The following PPP2R5A variants were observed in gnomAD, a reference collection of about 807,000 sequenced individuals.
PPP2R5A encodes the protein serine/threonine-protein phosphatase 2A 56 kDa regulatory subunit alpha isoform.
Under a neutral mutation model 64.2 loss-of-function variants are expected in PPP2R5A, and 25 were observed. That is an observed-to-expected ratio of 0.39 (90% confidence interval 0.28 to 0.54). The LOEUF is 0.54. Among genes scored for constraint, PPP2R5A ranks in the 20% least tolerant of loss-of-function variants. PPP2R5A has a pLI of 0.67. For synonymous variants in PPP2R5A, 198 were observed against 201.2 expected, an observed-to-expected ratio of 0.98 and a Z score of 0.13; for missense variants, 425 against 576.3, an observed-to-expected ratio of 0.74 and a Z score of 2.69.
At chr1:212,289,025 TG>T (rs1658554572) in intron 1 of PPP2R5A, among the ~76,000 whole-genome samples, 1 of 152,192 alleles carries the variant, frequency 6.6e-6, no homozygotes, top group Non-Finnish European at 1.5e-5. Flanking sequence ...ATGGCAAAAA[TG>T]TTCAGAATAA....
intron 1 of PPP2R5A, chr1:212,309,014 GATATAT>G (rs142628630): frequency 4.6e-6 from 3 of 651,528 alleles, no homozygotes; most frequent in South Asian, 1.7e-5. Flanking sequence ...ATGGTGAAAA[GATATAT>G]ATATATATTT....
intron 1 of PPP2R5A, among the ~76,000 whole-genome samples, chr1:212,289,606 C>T (rs1172483017): frequency 6.6e-6 from 1 of 152,040 alleles, no homozygotes; most frequent in Non-Finnish European, 1.5e-5. Flanking sequence ...AATTTTTAAT[C>T]TTTCTAAGTC....
At chr1:212,356,908 A>G in intron 9 of PPP2R5A, 42 bp from the exon 10 acceptor site, 1 of 1,440,128 alleles carries the variant, frequency 6.9e-7, no homozygotes, top group Non-Finnish European at 9.4e-7. Context: ...TTAGTTTCAC[A>G]TAATTTATCA....
At chr1:212,331,709 A>C (rs1176798237) in intron 2 of PPP2R5A, 2 of 152,158 alleles carry the variant, frequency 1.3e-5, no homozygotes, top group Non-Finnish European at 2.9e-5. Context: ...TTAATCTCTA[A>C]AATTGTTGAC....
intron 1 of PPP2R5A, among the ~76,000 whole-genome samples, chr1:212,300,286 C>T (rs1658775783): frequency 6.6e-6 from 1 of 152,060 alleles, no homozygotes. Context: ...TTTTTAAGAT[C>T]TGGAGAAGTA....
intron 1 of PPP2R5A, chr1:212,297,415 ATACGT>A (rs1658717926): frequency 6.6e-6 from 1 of 152,038 alleles, no homozygotes; most frequent in Non-Finnish European, 1.5e-5. Context: ...TGCCCAGCCA[ATACGT>A]TTCTTTTTGA....
chr1:212,322,640 G>A (rs1659328895), intron 1 of PPP2R5A, among the ~76,000 whole-genome samples: 1 of 152,060 alleles, frequency 6.6e-6, no homozygotes, highest in Admixed American at 6.5e-5. Context: ...TTACAGTATG[G>A]CCTACTCTTC....
intron 1 of PPP2R5A, among the ~76,000 whole-genome samples, chr1:212,322,274 G>GGGAGAA (rs1558147166): frequency 7.1e-6 from 1 of 140,978 alleles, no homozygotes; most frequent in Non-Finnish European, 1.6e-5. Context: ...AGGAGGGAGA[G>GGGAGAA]GGAGAGGAGG....
At chr1:212,341,042 A>G (rs1050008683) in intron 3 of PPP2R5A, among the ~76,000 whole-genome samples, 1 of 152,192 alleles carries the variant, frequency 6.6e-6, no homozygotes, top group Non-Finnish European at 1.5e-5. Flanking sequence ...AGTATTGTTT[A>G]ATAGCTAATA....
chr1:212,301,349 G>A (rs1018436259), intron 1 of PPP2R5A, among the ~76,000 whole-genome samples: 11 of 152,080 alleles, frequency 7.2e-5, no homozygotes, highest in Non-Finnish European at 1.0e-4. Flanking sequence ...CAGTAGTTGC[G>A]GATATACTTA....
intron 1 of PPP2R5A, among the ~76,000 whole-genome samples, chr1:212,300,475 A>G (rs1196903562): frequency 1.3e-5 from 2 of 152,190 alleles, no homozygotes; most frequent in Non-Finnish European, 2.9e-5. Context: ...GTAAAAACTT[A>G]CAGACTCACT....
chr1:212,286,635 G>C (rs1658509614), intron 1 of PPP2R5A, among the ~76,000 whole-genome samples: 1 of 152,058 alleles, frequency 6.6e-6, no homozygotes, highest in African/African-American at 2.4e-5. Context: ...GCCCTTTCCC[G>C]GTCTTGCTTT....
intron 3 of PPP2R5A, among the ~76,000 whole-genome samples, chr1:212,334,348 G>A (rs1423129753): frequency 6.6e-6 from 1 of 151,976 alleles, no homozygotes; most frequent in African/African-American, 2.4e-5. Flanking sequence ...GGAGTGTAGT[G>A]GAGTGGCATG....
At chr1:212,288,841 T>TA (rs1369429856) in intron 1 of PPP2R5A, among the ~76,000 whole-genome samples, 2 of 143,036 alleles carry the variant, frequency 1.4e-5, no homozygotes, top group Non-Finnish European at 3.0e-5. Context: ...GACTCCAAGA[T>TA]CTTTTAAGTT....
intron 1 of PPP2R5A, among the ~76,000 whole-genome samples, chr1:212,317,157 T>C (rs1224909269): frequency 6.6e-6 from 1 of 152,222 alleles, no homozygotes; most frequent in Non-Finnish European, 1.5e-5. Context: ...CTACCTACTT[T>C]GAGTTTTCGC....
chr1:212,317,405 T>C (rs1179323425), intron 1 of PPP2R5A, among the ~76,000 whole-genome samples: 1 of 152,292 alleles, frequency 6.6e-6, no homozygotes, highest in East Asian at 1.9e-4. Context: ...CCAGCTTCAG[T>C]ACAAATTTGC....
chr1:212,302,667 C>T (rs1571577761), intron 1 of PPP2R5A, among the ~76,000 whole-genome samples: 1 of 152,350 alleles, frequency 6.6e-6, no homozygotes, highest in East Asian at 1.9e-4. Context: ...TATTCACAGA[C>T]ATGTGCAACT....
intron 8 of PPP2R5A, among the ~76,000 whole-genome samples, chr1:212,353,819 A>G (rs1450212512): frequency 6.6e-6 from 1 of 152,208 alleles, no homozygotes; most frequent in Non-Finnish European, 1.5e-5. Context: ...AGTACAGGAA[A>G]AATATCTCTG....
At chr1:212,294,497 T>C (rs1327436169) in intron 1 of PPP2R5A, among the ~76,000 whole-genome samples, 1 of 152,200 alleles carries the variant, frequency 6.6e-6, no homozygotes, top group Non-Finnish European at 1.5e-5. Flanking sequence ...ACCATTCTTC[T>C]TTAAATTGGT....
Sources: gnomAD v4.1 joint callset for allele counts (sites outside exome capture counted in the v4.1 genomes callset) on GRCh38, gnomAD v4.1.1 for gene constraint, MANE v1.5 for transcripts, NCBI Gene and HGNC (gene_info 2026-07-23, HGNC 2026-07-21) for gene names.